Variants in DISP2 observed in about 807,000 individuals in gnomAD.
The protein encoded by DISP2 is dispatched RND transporter family member 2, also known as protein dispatched homolog 2.
In DISP2, 59 loss-of-function variants were observed where a neutral mutation model predicts 95.5. That is an observed-to-expected ratio of 0.62 (90% CI 0.50 to 0.77). DISP2 has a LOEUF of 0.77. DISP2 is among the 30% of genes least tolerant of loss of function. DISP2 has a pLI of 0.00. For synonymous variants in DISP2, 827 were observed against 815.0 expected, an observed-to-expected ratio of 1.01 and a Z score of -0.25; for missense variants, 1,752 against 1,854.6, an observed-to-expected ratio of 0.94 and a Z score of 1.02.
intron 1 of DISP2, among the ~76,000 whole-genome samples, chr15:40,363,119 C>T (rs987502621): frequency 3.3e-5 from 5 of 149,850 alleles, no homozygotes; most frequent in Non-Finnish European, 5.9e-5. Flanking sequence ...CTGACTAACA[C>T]GGTGAAACCC....
Position 40,368,583 on chromosome 15 carries a change from T to G in DISP2, c.2471T>G (p.Phe824Cys), listed in dbSNP as rs780558181. Reference protein sequence around the residue: ...ALCHRARNQSFFDTLQEGWPT... With the variant: ...ALCHRARNQSCFDTLQEGWPT... Reference sequence around the variant, plus strand: ...TGTCACCGGGCCCGGAATCAGAGCTTCTTCGACACCCTGCAGGAAGGCTGG... The same window carrying G: ...TGTCACCGGGCCCGGAATCAGAGCTGCTTCGACACCCTGCAGGAAGGCTGG... Residue 824 changes from phenylalanine (F) to cysteine (C), a missense_variant, in exon 8 of 8, where the codon TTC (phenylalanine) becomes TGC (cysteine). By Grantham distance (205) the Phe-to-Cys change is radical. Coordinates refer to ENST00000267889, the MANE Select transcript of DISP2 (RefSeq NM_033510.3). 5.0e-6 allele frequency: 8 copies of G among 1,604,784 alleles called. No individual in the cohort carries two copies. The highest frequency in any genetic ancestry group is 1.1e-5 in the South Asian group (1 of 91,084).
chr15:40,363,250 T>C (rs1280923392), intron 1 of DISP2, among the ~76,000 whole-genome samples: 2 of 149,268 alleles, frequency 1.3e-5, no homozygotes, highest in South Asian at 2.1e-4. Flanking sequence ...AGGCGGAGCT[T>C]GCAGTGAACT....
Position 40,367,479 on chromosome 15 carries a change from T to C in DISP2, c.1367T>C (p.Leu456Pro). Residue 456 changes from leucine to proline, a missense_variant, in exon 8 of 8, where the codon CTG becomes CCG. This residue lies in a region of DISP2 where 732 missense variants were observed against 714.6 expected (regional missense o/e 1.02). Transcript: ENST00000267889. ...ASLMDIYLDRLATPWGLADNY... is the reference protein window; with the variant it reads ...ASLMDIYLDRPATPWGLADNY... ...CTCATGGACATCTACCTGGACCGGC[T>C]GGCCACCCCCTGGGGGCTTGCTGAC... is the stretch of plus-strand genomic sequence containing the variant. 6.2e-7 allele frequency: 1 copy of C among 1,613,764 alleles called. No homozygotes were observed. The highest frequency in any genetic ancestry group is 8.5e-7 in the Non-Finnish European group (1 of 1,179,976).
rs1889652925 is a variant in DISP2, at chr15:40,371,919, T to C, written c.*1601T>C. 6.6e-6 allele frequency: 1 copy of C among 152,070 alleles called. No homozygotes were observed. Among genetic ancestry groups the C allele is most frequent in the South Asian group, 2.1e-4 (1 of 4,826 alleles). 9.4% of individuals were successfully genotyped at this position (152,070 alleles called of 1,614,324 possible). A position where few individuals can be genotyped will look rare whatever the true frequency, so the allele number is the denominator to read the frequency against. On this transcript the variant is annotated 3_prime_UTR_variant, in exon 8 of 8. Coordinates refer to ENST00000267889, the MANE Select transcript of DISP2 (RefSeq NM_033510.3). ...CGGCACCATATGCCTGCCATCATCA[T>C]TATTGTTGGAGCTCAAGTACCCAGG...
At position 40,374,440 on chromosome 15, in the gene DISP2, TTAAAA is replaced by T. The variant is rs1889700571; in HGVS notation, c.*4123_*4127del. On this transcript the variant is annotated 3_prime_UTR_variant, in exon 8 of 8. Transcript: ENST00000267889. ...CCACCGCGCCTGGCCGAGACAATTT[TTAAAA>T]AGACATTTCTCAAGAGAGTTATAAG... 1 of 149,692 alleles carries T rather than the reference TTAAAA, an allele frequency of 6.7e-6. No homozygotes were observed. Among genetic ancestry groups the T allele is most frequent in the Admixed American group, 6.7e-5 (1 of 15,010 alleles). 9.3% of individuals were successfully genotyped at this position (149,692 alleles called of 1,614,324 possible).
Position 40,367,315 on chromosome 15 carries a change from G to A in DISP2, c.1203G>A (p.Lys401=), listed in dbSNP as rs1306662704. Residue 401 remains lysine (K), a synonymous_variant, in exon 8 of 8, where the codon AAG becomes AAA. Transcript: ENST00000267889. ...KSPRCAQVPT[K]CSQSSAIYQL... is the part of the protein sequence containing the mutation. ...CACGCTGTGCCCAGGTTCCCACCAA[G>A]TGCTCCCAGAGTAGTGCCATCTACC... 6.2e-7 allele frequency: 1 copy of A among 1,613,628 alleles called. No homozygotes were observed. The highest frequency in any genetic ancestry group is 8.5e-7 in the Non-Finnish European group (1 of 1,179,998).
chr15:40,371,193 C>T lies in DISP2; in HGVS notation c.*875C>T, dbSNP rs1340981997. 6.6e-6 allele frequency: 1 copy of T among 152,406 alleles called. No individual in the cohort carries two copies. The highest frequency in any genetic ancestry group is 1.9e-4 in the East Asian group (1 of 5,202). 9.4% of individuals were successfully genotyped at this position (152,406 alleles called of 1,614,324 possible). A position where few individuals can be genotyped will look rare whatever the true frequency, so the allele number is the denominator to read the frequency against. On this transcript the variant is annotated 3_prime_UTR_variant, in exon 8 of 8. Coordinates refer to ENST00000267889, the MANE Select transcript of DISP2 (RefSeq NM_033510.3). ...TGAACTGACCTCAGGGTCACTTAGC[C>T]ACTAAATGGCAGAGCGGTTTCATTC...
In DISP2 at chr15:40,365,152, G is replaced by C. The variant is rs752216408; in HGVS notation, c.725G>C (p.Ser242Thr). ...LSPDLELNSS[S>T]SHNTLRPAPR... is the part of the protein sequence containing the mutation. ...AGATATTCTCTCCACTTCAGCTCGA[G>C]CTCCCACAACACTCTGAGGCCTGCA... The change falls in exon 6 of 8, where the codon AGC (serine) becomes ACC (threonine). Residue 242 changes from serine to threonine, a missense_variant. Physicochemically the swap from Ser to Thr is moderately conservative, Grantham distance 58 (BLOSUM62 1). Around this residue, in one of 5 missense-constraint regions of DISP2, gnomAD observed 342 missense variants for 364.3 expected, o/e 0.94. Transcript: ENST00000267889. The C allele has an allele frequency of 1.2e-6, 2 of 1,613,268 alleles. No homozygotes were observed. Among genetic ancestry groups the C allele is most frequent in the Non-Finnish European group, 1.7e-6 (2 of 1,179,718 alleles).
intron 1 of DISP2, 24 bp from the exon 2 acceptor site, chr15:40,363,601 C>A (rs772292183): frequency 6.7e-7 from 1 of 1,495,624 alleles, no homozygotes; most frequent in Non-Finnish European, 8.9e-7. Context: ...CCACCCCAAT[C>A]TTCCTTGTCT....
chr15:40,364,262 C>A lies in DISP2; in HGVS notation c.479+7C>A, dbSNP rs770622641. ...CCTTCCAGATGCCAAAGAGGTAGGC[C>A]TGGGCCTTCCCTGGACCTCTAGGGG... is the stretch of plus-strand genomic sequence containing the variant. On this transcript the variant is annotated splice_region_variant and intron_variant, in intron 3 of 7. Transcript: ENST00000267889. 1.9e-6 allele frequency: 3 copies of A among 1,614,214 alleles called. No individual in the cohort carries two copies. The highest frequency in any genetic ancestry group is 8.5e-7 in the Non-Finnish European group (1 of 1,180,046).
intron 6 of DISP2, 61 bp downstream of exon 6, chr15:40,365,335 C>T (rs1864733740): frequency 3.2e-6 from 5 of 1,583,926 alleles, no homozygotes; most frequent in African/African-American, 2.7e-5. Context: ...CCTAGTAGGA[C>T]AGGCAGGCCC....
Position 40,363,784 on chromosome 15 carries a change from C to T in DISP2, c.279C>T (p.Phe93=). 1 of 1,613,394 alleles carries T rather than the reference C, an allele frequency of 6.2e-7. No homozygotes were observed. Among genetic ancestry groups the T allele is most frequent in the Non-Finnish European group, 8.5e-7 (1 of 1,179,574 alleles). The stretch of plus-strand genomic sequence containing the variant: ...CCAGCCCCTTGGCCCCTGCCCACTT[C>T]ACCTATCCCCGGGCACTGCAGGAAT... ...GPSSPLAPAH[F]TYPRALQEYQ... is the part of the protein sequence containing the mutation. Residue 93 remains phenylalanine (F), a synonymous_variant, in exon 2 of 8, where the codon TTC becomes TTT. Transcript: ENST00000267889.
At position 40,378,600 on chromosome 15, in the gene DISP2, G is replaced by A. The variant is rs1889760613; in HGVS notation, c.*8282G>A. The stretch of plus-strand genomic sequence containing the variant: ...CCCTATACTATCATTGTAACTTCCT[G>A]TCAATTATAACGATTCCAAAATAAA... On this transcript the variant is annotated 3_prime_UTR_variant, in exon 8 of 8. Transcript: ENST00000267889. 6.6e-6 allele frequency: 1 copy of A among 151,592 alleles called. No homozygotes were observed. Among genetic ancestry groups the A allele is most frequent in the Non-Finnish European group, 1.5e-5 (1 of 67,958 alleles). The allele number at this position is 151,592 out of a possible 1,614,324, so 9.4% of individuals were successfully genotyped here.
chr15:40,369,515 G>C lies in DISP2; in HGVS notation c.3403G>C (p.Gly1135Arg). Residue 1135 changes from glycine (G) to arginine (R), a missense_variant, in exon 8 of 8, where the codon GGT becomes CGT. By Grantham distance (125) the Gly-to-Arg change is moderately radical. Coordinates refer to ENST00000267889, the MANE Select transcript of DISP2 (RefSeq NM_033510.3). ...WPCAHLPWDA[G>R]TGDPGGEKAG... ...CTGTGCCCACCTGCCATGGGATGCT[G>C]GTACTGGGGACCCTGGTGGGGAGAA... 1 of 1,613,110 alleles carries C rather than the reference G, an allele frequency of 6.2e-7. No homozygotes were observed. Among genetic ancestry groups the C allele is most frequent in the South Asian group, 1.1e-5 (1 of 91,088 alleles).
chr15:40,370,345 C>T lies in DISP2; in HGVS notation c.*27C>T, dbSNP rs575479255. On this transcript the variant is annotated 3_prime_UTR_variant, in exon 8 of 8. Coordinates refer to ENST00000267889, the MANE Select transcript of DISP2 (RefSeq NM_033510.3). ...GGGGACCCGGGGAGGCTGGACAGGG[C>T]GCGGAACCCTGTCATGGATGACAAG... is the stretch of plus-strand genomic sequence containing the variant. 4.1e-5 allele frequency: 62 copies of T among 1,513,560 alleles called. No individual in the cohort carries two copies. The East Asian group carries it at 5.5e-4, about 13-fold the overall frequency. 93.8% of individuals were successfully genotyped at this position (1,513,560 alleles called of 1,614,324 possible). A position where few individuals can be genotyped will look rare whatever the true frequency, so the allele number is the denominator to read the frequency against.
intron 1 of DISP2, among the ~76,000 whole-genome samples, chr15:40,362,301 C>T (rs991567259): frequency 2.0e-5 from 3 of 152,254 alleles, no homozygotes; most frequent in Non-Finnish European, 4.4e-5. Flanking sequence ...AAGTTGGGCC[C>T]TCTCTGAGCT....
Position 40,372,113 on chromosome 15 carries a change from T to C in DISP2, c.*1795T>C, listed in dbSNP as rs1445955118. ...AGAAGCTCTGTGTGGAAAAACAATATATAAAACAGGTAAAAGGCAGCTACT... is the reference window on the plus strand; with the variant it reads ...AGAAGCTCTGTGTGGAAAAACAATACATAAAACAGGTAAAAGGCAGCTACT... On this transcript the variant is annotated 3_prime_UTR_variant, in exon 8 of 8. Coordinates refer to ENST00000267889, the MANE Select transcript of DISP2 (RefSeq NM_033510.3). 1.3e-5 allele frequency: 2 copies of C among 152,122 alleles called. No individual in the cohort carries two copies. The highest frequency in any genetic ancestry group is 1.9e-4 in the East Asian group (1 of 5,198). 9.4% of individuals were successfully genotyped at this position (152,122 alleles called of 1,614,324 possible).
rs1426314232 is a variant in DISP2, at chr15:40,375,147, C to A, written c.*4829C>A. Reference sequence around the variant, plus strand: ...TTCAATTCACCAGGAATATGAGAAACAAAAGAAAGCCACTATGTGCTATGT... The same window carrying A: ...TTCAATTCACCAGGAATATGAGAAAAAAAAGAAAGCCACTATGTGCTATGT... On this transcript the variant is annotated 3_prime_UTR_variant, in exon 8 of 8. Transcript: ENST00000267889. 1 of 152,198 alleles carries A rather than the reference C, an allele frequency of 6.6e-6. No individual in the cohort carries two copies. The highest frequency in any genetic ancestry group is 1.5e-5 in the Non-Finnish European group (1 of 68,042). 9.4% of individuals were successfully genotyped at this position (152,198 alleles called of 1,614,324 possible).
chr15:40,364,820 C>T lies in DISP2; in HGVS notation c.604-18C>T, dbSNP rs1889469934. On this transcript the variant is annotated intron_variant, in intron 4 of 7. Coordinates refer to ENST00000267889, the MANE Select transcript of DISP2 (RefSeq NM_033510.3). ...TCCTACCCTGCCCACCTGTTCTTCTCCACCCTCCTCCCTGCAGGGCTTTGA... is the reference window on the plus strand; with the variant it reads ...TCCTACCCTGCCCACCTGTTCTTCTTCACCCTCCTCCCTGCAGGGCTTTGA... 6.2e-7 allele frequency: 1 copy of T among 1,610,914 alleles called. No individual in the cohort carries two copies. Among genetic ancestry groups the T allele is most frequent in the Non-Finnish European group, 8.5e-7 (1 of 1,178,056 alleles).
Sources: gnomAD v4.1 joint callset for allele counts (sites outside exome capture counted in the v4.1 genomes callset) on GRCh38, gnomAD v4.1.1 for gene constraint, gnomAD v4.1.1 regional missense constraint, MANE v1.5 for transcripts, NCBI Gene and HGNC (gene_info 2026-07-23, HGNC 2026-07-21) for gene names.